The following TENT4B variants were observed in gnomAD, a reference collection of about 807,000 sequenced individuals.
The protein encoded by TENT4B is terminal nucleotidyltransferase 4B.
In TENT4B, 10 loss-of-function variants were observed where a neutral mutation model predicts 75.0. The observed-to-expected ratio is 0.13, with a 90% CI of 0.08 to 0.23. The LOEUF is 0.23. Among genes scored for constraint, TENT4B ranks in the 10% least tolerant of loss-of-function variants. The pLI, the probability that TENT4B is intolerant of heterozygous loss-of-function variation, is 1.00. For missense variants in TENT4B, 579 were observed against 893.8 expected (o/e 0.65, Z 4.49); for synonymous variants, 350 against 357.7 (o/e 0.98, Z 0.24).
At chr16:50,161,419 A>G (rs2038000658) in intron 1 of TENT4B, among the ~76,000 whole-genome samples, 1 of 152,204 alleles carries the variant, frequency 6.6e-6, no homozygotes, top group African/African-American at 2.4e-5. Flanking sequence ...CATGTGCACA[A>G]GAGATTTCAC....
In TENT4B at chr16:50,233,499, TTTC is replaced by T; in HGVS notation, c.*4174_*4176del. 3 of 980,698 alleles carry T rather than the reference TTTC, an allele frequency of 3.1e-6. No individual in the cohort carries two copies. Among genetic ancestry groups the T allele is most frequent in the Non-Finnish European group, 3.6e-6 (3 of 825,634 alleles). The allele number at this position is 980,698 out of a possible 1,614,324, so 60.7% of individuals were successfully genotyped here. A position where few individuals can be genotyped will look rare whatever the true frequency, so the allele number is the denominator to read the frequency against. On this transcript the variant is annotated 3_prime_UTR_variant, in exon 12 of 12. Coordinates refer to ENST00000561678, the MANE Select transcript of TENT4B (RefSeq NM_001365324.3). ...TCTTGACTTCACACCCTTAGCGACT[TTTC>T]TTTTTTTTTTGGTCAAAGATAATGA...
At chr16:50,187,585 G>A (rs1176727935) in intron 1 of TENT4B, among the ~76,000 whole-genome samples, 3 of 152,046 alleles carry the variant, frequency 2.0e-5, no homozygotes, top group East Asian at 1.9e-4. Context: ...TCCATCGTGC[G>A]GGGTGGGGGG....
At chr16:50,163,343 A>T (rs2038036160) in intron 1 of TENT4B, among the ~76,000 whole-genome samples, 1 of 151,882 alleles carries the variant, frequency 6.6e-6, no homozygotes, top group African/African-American at 2.4e-5. Flanking sequence ...GGGTGTTTAT[A>T]CTACTGTCCC....
At position 50,225,021 on chromosome 16, in the gene TENT4B, C is replaced by CT. The variant is rs745821270; in HGVS notation, c.1612+28dup. On this transcript the variant is annotated intron_variant, in intron 9 of 11. Coordinates refer to ENST00000561678, the MANE Select transcript of TENT4B (RefSeq NM_001365324.3). ...TAAGATATTTTCCTTGGTCGATTGACTGAGTATTAGAGGCTTTTCTGTGTT... is the reference window on the plus strand; with the variant it reads ...TAAGATATTTTCCTTGGTCGATTGACTTGAGTATTAGAGGCTTTTCTGTGTT... 6 of 1,610,388 alleles carry CT rather than the reference C, an allele frequency of 3.7e-6. No homozygotes were observed. In the Admixed American group the frequency reaches 8.4e-5, roughly 22 times the overall value.
intron 1 of TENT4B, among the ~76,000 whole-genome samples, chr16:50,188,581 T>C (rs142924532): frequency 1.2e-4 from 18 of 152,360 alleles, no homozygotes; most frequent in East Asian, 3.9e-4. Flanking sequence ...AAAATTCTTA[T>C]AGAGAATGTA....
chr16:50,224,808 C>T (rs1292541710), intron 8 of TENT4B, 25 bp downstream of exon 8: 2 of 1,613,266 alleles, frequency 1.2e-6, no homozygotes, highest in Admixed American at 1.7e-5. Flanking sequence ...ATAACCAGCC[C>T]ATTGTGTCAA....
At chr16:50,160,268 T>G (rs1175005101) in intron 1 of TENT4B, among the ~76,000 whole-genome samples, 1 of 152,246 alleles carries the variant, frequency 6.6e-6, no homozygotes, top group East Asian at 1.9e-4. Flanking sequence ...ACTGTCACCA[T>G]TAATCATTGG....
intron 2 of TENT4B, among the ~76,000 whole-genome samples, chr16:50,212,686 A>G (rs376915051): frequency 6.6e-6 from 1 of 152,066 alleles, no homozygotes; most frequent in East Asian, 1.9e-4. Context: ...ATGTGATCCA[A>G]ATCAGTGGTT....
chr16:50,215,974 A>G (rs768109736), intron 3 of TENT4B, 101 bp from the exon 4 acceptor site: 45 of 1,429,012 alleles, frequency 3.1e-5, no homozygotes, highest in Non-Finnish European at 3.9e-5. Flanking sequence ...CAGGGTGGGA[A>G]ATAGGTTTTA....
intron 1 of TENT4B, among the ~76,000 whole-genome samples, chr16:50,173,559 C>T (rs974085228): frequency 5.9e-5 from 9 of 152,176 alleles, no homozygotes; most frequent in Non-Finnish European, 1.3e-4. Flanking sequence ...TCCACATCCT[C>T]GTTAGCATTT....
intron 1 of TENT4B, among the ~76,000 whole-genome samples, chr16:50,173,657 T>C (rs945567798): frequency 5.3e-5 from 8 of 152,176 alleles, no homozygotes; most frequent in Middle Eastern, 3.2e-3. Flanking sequence ...TGACGTATGA[T>C]GTTGAGCATC....
rs1395353397 is a variant in TENT4B, at chr16:50,230,713, G to A, written c.*1385G>A. ...TTGTTTCAATCATACTGTAAATTTT[G>A]GTTGTAGTCAGCTTTGAGTGCAATG... On this transcript the variant is annotated 3_prime_UTR_variant, in exon 12 of 12. Transcript: ENST00000561678. 1.0e-6 allele frequency: 1 copy of A among 985,454 alleles called. No homozygotes were observed. The highest frequency in any genetic ancestry group is 1.2e-6 in the Non-Finnish European group (1 of 829,818). 61.0% of individuals were successfully genotyped at this position (985,454 alleles called of 1,614,324 possible).
chr16:50,174,701 C>G (rs2038269795), intron 1 of TENT4B, among the ~76,000 whole-genome samples: 1 of 150,878 alleles, frequency 6.6e-6, no homozygotes, highest in South Asian at 2.1e-4. Flanking sequence ...TTTTTTACCC[C>G]TTAACCAACC....
At chr16:50,219,452 G>A (rs971375885) in intron 5 of TENT4B, among the ~76,000 whole-genome samples, 7 of 152,252 alleles carry the variant, frequency 4.6e-5, no homozygotes, top group African/African-American at 1.7e-4. Context: ...GGCTGTGACT[G>A]CTTGATTTAG....
At chr16:50,216,820 A>AT (rs1006108703) in intron 4 of TENT4B, among the ~76,000 whole-genome samples, 1 of 129,096 alleles carries the variant, frequency 7.7e-6, no homozygotes, top group African/African-American at 3.9e-5. Flanking sequence ...CGCCCTGCTT[A>AT]TTTAAAAAAT....
At chr16:50,196,502 TCA>T (rs1425247267) in intron 1 of TENT4B, among the ~76,000 whole-genome samples, 1 of 146,014 alleles carries the variant, frequency 6.8e-6, no homozygotes, top group East Asian at 1.9e-4. Context: ...ATCATCATCA[TCA>T]TCATCATCAT....
Position 50,234,531 on chromosome 16 carries a change from A to G in TENT4B, c.*5203A>G, listed in dbSNP as rs2032389566. On this transcript the variant is annotated 3_prime_UTR_variant, in exon 12 of 12. Transcript: ENST00000561678. Reference sequence around the variant, plus strand: ...TAAGACCATTTCATTATTACCTTTTATATTTAGTTGCAATTTATTATAATA... The same window carrying G: ...TAAGACCATTTCATTATTACCTTTTGTATTTAGTTGCAATTTATTATAATA... The G allele has an allele frequency of 2.0e-6, 2 of 982,954 alleles. No individual in the cohort carries two copies. The highest frequency in any genetic ancestry group is 1.7e-5 in the African/African-American group (1 of 57,292). The allele number at this position is 982,954 out of a possible 1,614,324, so 60.9% of individuals were successfully genotyped here.
At chr16:50,154,537 C>T (rs1308043266) in intron 1 of TENT4B, among the ~76,000 whole-genome samples, 2 of 151,714 alleles carry the variant, frequency 1.3e-5, no homozygotes, top group Non-Finnish European at 2.9e-5. Flanking sequence ...CCCCAGGCCC[C>T]CCCCTTTATC....
Position 50,233,368 on chromosome 16 carries a change from T to C in TENT4B, c.*4040T>C. ...GATCAAATTTTAATATGCTTCTCGA[T>C]ATTTAACATAGCTAAGAAGCCAGAT... On this transcript the variant is annotated 3_prime_UTR_variant, in exon 12 of 12. Transcript: ENST00000561678. The C allele has an allele frequency of 1.0e-6, 1 of 985,412 alleles. No individual in the cohort carries two copies. Among genetic ancestry groups the C allele is most frequent in the Non-Finnish European group, 1.2e-6 (1 of 829,870 alleles). 61.0% of individuals were successfully genotyped at this position (985,412 alleles called of 1,614,324 possible). A position where few individuals can be genotyped will look rare whatever the true frequency, so the allele number is the denominator to read the frequency against.
Sources: allele counts gnomAD v4.1 joint callset (sites outside exome capture counted in the v4.1 genomes callset), GRCh38; gene constraint gnomAD v4.1.1; transcripts MANE v1.5; gene names NCBI Gene and HGNC (gene_info 2026-07-23, HGNC 2026-07-21).